SRFBP1: variants seen among roughly 807,000 people sequenced by gnomAD.
SRFBP1 encodes serum response factor binding protein 1.
Under a neutral mutation model 45.5 loss-of-function variants are expected in SRFBP1, and 47 were observed. The observed-to-expected ratio is 1.03, with a 90% CI of 0.82 to 1.32. The LOEUF is 1.32. Ranked by LOEUF, SRFBP1 falls within the 40% of genes most tolerant of loss-of-function variation. The probability of loss-of-function intolerance (pLI) is 0.00; values close to 1 mark genes in which losing one functional copy is unlikely to be tolerated. For synonymous variants in SRFBP1, 203 were observed against 166.3 expected (o/e 1.22, Z -1.70); for missense variants, 621 against 484.6 (o/e 1.28, Z -2.64).
chr5:121,994,691 A>G (rs778411166), intron 4 of SRFBP1, 21 bp downstream of exon 4: 3 of 1,474,688 alleles, frequency 2.0e-6, no homozygotes, highest in African/African-American at 2.9e-5. Flanking sequence ...AATAGATTAT[A>G]TTTGTCTTAT....
chr5:122,051,112 G>C (rs1269773566), intron 2 of SRFBP1, among the ~76,000 whole-genome samples: 2 of 152,120 alleles, frequency 1.3e-5, no homozygotes, highest in Non-Finnish European at 2.9e-5. Context: ...GTTATTCTGA[G>C]AGTATGGTTA....
At chr5:122,031,980 A>C (rs940081862), downstream of SRFBP1, among the ~76,000 whole-genome samples, 1 of 152,222 alleles carries the variant, frequency 6.6e-6, no homozygotes, top group African/African-American at 2.4e-5. Context: ...AGAGGGAAGA[A>C]TAGTGAGTGC....
At chr5:121,975,074 AAT>A (rs1752274279) in intron 2 of SRFBP1, among the ~76,000 whole-genome samples, 1 of 151,978 alleles carries the variant, frequency 6.6e-6, no homozygotes, top group South Asian at 2.1e-4. Context: ...TATCAAAAGT[AAT>A]AGTCATTAAT....
At chr5:122,018,466 G>C (rs1406431603) in intron 4 of SRFBP1, among the ~76,000 whole-genome samples, 1 of 152,152 alleles carries the variant, frequency 6.6e-6, no homozygotes, top group East Asian at 1.9e-4. Flanking sequence ...AGAATCCTTA[G>C]AGTTTTAGGC....
intron 1 of SRFBP1, among the ~76,000 whole-genome samples, chr5:121,971,739 G>C (rs1334638819): frequency 6.6e-6 from 1 of 152,026 alleles, no homozygotes; most frequent in African/African-American, 2.4e-5. Flanking sequence ...CTGGGTAGAG[G>C]TGGATGAATT....
At position 122,020,779 on chromosome 5, in the gene SRFBP1, A is replaced by T. The variant is rs1753300244; in HGVS notation, c.1044A>T (p.Leu348Phe). ...TAGAATCAGTGTTTTTCCACTCTTT[A>T]TCTGGATCTAAAAGCTCTAGAAGGT... is the stretch of plus-strand genomic sequence containing the variant. ...RKLESVFFHS[L>F]SGSKSSRRNF... The change falls in exon 6 of 8, where the codon TTA becomes TTT. Residue 348 changes from leucine (L) to phenylalanine (F), a missense_variant. Physicochemically the swap from Leu to Phe is conservative, Grantham distance 22. Coordinates refer to ENST00000339397, the MANE Select transcript of SRFBP1 (RefSeq NM_152546.3). The T allele has an allele frequency of 6.3e-7, 1 of 1,575,824 alleles. No individual in the cohort carries two copies.
At position 121,969,254 on chromosome 5, in the gene SRFBP1, A is replaced by T. The variant is rs79083515; in HGVS notation, c.37-4942A>T. Among the ~76,000 whole-genome samples the T allele has an allele frequency of 1.9e-3, 289 of 152,304 alleles. 3 individuals carry two copies. The highest frequency in any genetic ancestry group is 9.5e-3 in the East Asian group (49 of 5,182). On this transcript the variant is annotated intron_variant, in intron 1 of 7. Transcript: ENST00000339397. ...AATAAATGCTCACATTGTAAAACACATTCTTTTCCTGTATACTGACCATCA... is the reference window on the plus strand; with the variant it reads ...AATAAATGCTCACATTGTAAAACACTTTCTTTTCCTGTATACTGACCATCA...
intron 2 of SRFBP1, among the ~76,000 whole-genome samples, chr5:122,048,639 C>T (rs544496453): frequency 6.6e-6 from 1 of 152,232 alleles, no homozygotes; most frequent in African/African-American, 2.4e-5. Context: ...CCTCTTTGTA[C>T]CTCTGGTAGA....
At chr5:122,040,105 A>G (rs1042177811) in intron 2 of SRFBP1, among the ~76,000 whole-genome samples, 2 of 152,086 alleles carry the variant, frequency 1.3e-5, no homozygotes, top group Non-Finnish European at 2.9e-5. Flanking sequence ...TTTTTTAATC[A>G]ATTTGTGAAA....
chr5:121,962,068 G>A lies in SRFBP1; in HGVS notation c.36G>A (p.Glu12=), dbSNP rs370809249. 1.7e-5 allele frequency: 28 copies of A among 1,614,048 alleles called. No individual in the cohort carries two copies. Among genetic ancestry groups the A allele is most frequent in the Non-Finnish European group, 2.4e-5 (28 of 1,180,022 alleles). The stretch of plus-strand genomic sequence containing the variant: ...CGGGAACTCTGAACCTCAATAACGA[G>A]GTGAGCGCCGAGGAACCTATGGGGC... ...AQPGTLNLNN[E]VVKMRKEVKR... The change falls in exon 1 of 8, where the codon GAG becomes GAA. Residue 12 remains glutamate, a splice_region_variant and synonymous_variant. Transcript: ENST00000339397.
At chr5:122,026,031 A>G (rs1753472152) in intron 7 of SRFBP1, among the ~76,000 whole-genome samples, 1 of 152,224 alleles carries the variant, frequency 6.6e-6, no homozygotes, top group South Asian at 2.1e-4. Context: ...TGGAGGTTGC[A>G]GTGAGCCAAG....
intron 3 of SRFBP1, among the ~76,000 whole-genome samples, chr5:121,978,734 C>T (rs1407394000): frequency 3.9e-5 from 6 of 152,138 alleles, no homozygotes; most frequent in Non-Finnish European, 5.9e-5. Context: ...TCAGGTGATC[C>T]GCCCACCTCG....
chr5:121,965,980 C>G (rs1451368558), intron 1 of SRFBP1, among the ~76,000 whole-genome samples: 1 of 150,866 alleles, frequency 6.6e-6, no homozygotes, highest in Non-Finnish European at 1.5e-5. Flanking sequence ...TGATTTGGCT[C>G]TCTGTTTGTC....
At chr5:122,003,240 G>T (rs1352149245) in intron 4 of SRFBP1, among the ~76,000 whole-genome samples, 1 of 151,762 alleles carries the variant, frequency 6.6e-6, no homozygotes, top group Non-Finnish European at 1.5e-5. Context: ...AACTACTCAG[G>T]AGGCTACACT....
chr5:122,038,758 C>T (rs1238743346), intron 2 of SRFBP1, among the ~76,000 whole-genome samples: 1 of 152,194 alleles, frequency 6.6e-6, no homozygotes, highest in African/African-American at 2.4e-5. Context: ...ATAGAATAGA[C>T]ACCCTCCTCT....
chr5:122,055,478 T>C (rs1754062448), intron 2 of SRFBP1, among the ~76,000 whole-genome samples: 1 of 152,194 alleles, frequency 6.6e-6, no homozygotes, highest in African/African-American at 2.4e-5. Context: ...TTTGTAAATG[T>C]AGTTGTAAAT....
chr5:121,988,685 A>G (rs1355261140), intron 3 of SRFBP1, among the ~76,000 whole-genome samples: 12 of 152,244 alleles, frequency 7.9e-5, no homozygotes, highest in Non-Finnish European at 1.8e-4. Flanking sequence ...AAGTGAAAAC[A>G]CATTAACCGT....
chr5:122,077,566 C>G (rs1367014805), downstream of SRFBP1: 1 of 1,613,018 alleles, frequency 6.2e-7, no homozygotes, highest in Non-Finnish European at 8.5e-7. This position sits in a 1 kb window ranked among gnomAD's most constrained non-coding sequence, Gnocchi z 4.9. Context: ...TCTCCGCGCG[C>G]GAGGCGCCAG....
downstream of SRFBP1, among the ~76,000 whole-genome samples, chr5:122,030,005 C>T (rs1753564291): frequency 6.6e-6 from 1 of 152,106 alleles, no homozygotes; most frequent in Non-Finnish European, 1.5e-5. Context: ...CCTTAGAATA[C>T]ATACACAAGC....
Sources: allele counts gnomAD v4.1 joint callset (sites outside exome capture counted in the v4.1 genomes callset), GRCh38; gene constraint gnomAD v4.1.1; non-coding constraint Gnocchi (gnomAD v3.1); transcripts MANE v1.5; gene names NCBI Gene and HGNC (gene_info 2026-07-23, HGNC 2026-07-21).